The following SND1 variants were observed in gnomAD, a reference collection of about 807,000 sequenced individuals.
SND1 encodes staphylococcal nuclease domain-containing protein 1.
In SND1, 38 loss-of-function variants were observed where a neutral mutation model predicts 121.7. The ratio of observed to expected loss-of-function variants is 0.31; its 90% CI spans 0.24 to 0.41. SND1 has a LOEUF of 0.41. Ranked by LOEUF, SND1 falls within the 10% of genes least tolerant of loss-of-function variation. SND1 has a pLI of 1.00. For missense variants in SND1, 868 were observed against 1,184.6 expected (o/e 0.73, Z 3.92); for synonymous variants, 401 against 447.4 (o/e 0.90, Z 1.31).
At chr7:127,677,177 G>T (rs1795631518) in intron 1 of SND1, among the ~76,000 whole-genome samples, 1 of 152,186 alleles carries the variant, frequency 6.6e-6, no homozygotes, top group Non-Finnish European at 1.5e-5. Flanking sequence ...GTGTCCTTGT[G>T]CTGGGCTCTG....
intron 10 of SND1, among the ~76,000 whole-genome samples, chr7:127,759,039 G>A (rs1797249398): frequency 1.4e-5 from 2 of 141,522 alleles, no homozygotes; most frequent in Non-Finnish European, 3.1e-5. Context: ...GGGCGACATA[G>A]CAAGATGCTG....
chr7:127,854,623 G>A (rs1010282142), intron 12 of SND1, among the ~76,000 whole-genome samples: 4 of 151,220 alleles, frequency 2.6e-5, no homozygotes, highest in Admixed American at 1.3e-4. Flanking sequence ...GGGGGCATTC[G>A]ACATGGTTAC....
At chr7:127,831,761 A>G (rs1310289673) in intron 11 of SND1, among the ~76,000 whole-genome samples, 9 of 152,144 alleles carry the variant, frequency 5.9e-5, no homozygotes. Context: ...TTTTAAAGGC[A>G]GATGTTTTCT....
intron 11 of SND1, among the ~76,000 whole-genome samples, chr7:127,819,491 A>G (rs1216494603): frequency 6.6e-6 from 1 of 152,246 alleles, no homozygotes; most frequent in Non-Finnish European, 1.5e-5. Flanking sequence ...AACAACATTT[A>G]CTTTTAAAAA....
chr7:128,032,040 G>A (rs1156846938), intron 16 of SND1: 2 of 151,802 alleles, frequency 1.3e-5, no homozygotes, highest in East Asian at 3.9e-4. Flanking sequence ...CCGGGCTCGC[G>A]GTGTTGCAGG....
At chr7:128,046,366 T>G (rs1302295255) in intron 16 of SND1, among the ~76,000 whole-genome samples, 25 of 96,294 alleles carry the variant, frequency 2.6e-4, no homozygotes, top group Admixed American at 1.6e-3. Context: ...TGTTGTTGTG[T>G]TTTTTTTTTT....
chr7:127,862,558 C>T (rs942782913), intron 12 of SND1, among the ~76,000 whole-genome samples: 1 of 152,238 alleles, frequency 6.6e-6, no homozygotes, highest in Non-Finnish European at 1.5e-5. Flanking sequence ...ACAGACATCA[C>T]TCTCAGCATT....
intron 18 of SND1, chr7:128,081,989 A>G (rs1394150596): frequency 1.9e-5 from 10 of 533,072 alleles, no homozygotes; most frequent in Non-Finnish European, 2.7e-5. Context: ...GCCCTGAGTG[A>G]TAGCCAGTTT....
intron 17 of SND1, among the ~76,000 whole-genome samples, chr7:128,078,594 C>T (rs1793546740): frequency 6.6e-6 from 1 of 152,256 alleles, no homozygotes; most frequent in African/African-American, 2.4e-5. Flanking sequence ...CTTCCGTGAC[C>T]TCACGCCTGC....
At chr7:127,850,102 T>C (rs1429767403) in intron 12 of SND1, among the ~76,000 whole-genome samples, 2 of 152,244 alleles carry the variant, frequency 1.3e-5, no homozygotes, top group Admixed American at 1.3e-4. Context: ...GGATACTTTT[T>C]TTCTCCCAGC....
intron 12 of SND1, among the ~76,000 whole-genome samples, chr7:127,846,260 G>A (rs1352657392): frequency 6.6e-6 from 1 of 151,962 alleles, no homozygotes; most frequent in East Asian, 1.9e-4. Flanking sequence ...TTTTTTTTGT[G>A]ATTTACCAAA....
chr7:127,972,398 A>G (rs1802014089), intron 15 of SND1, among the ~76,000 whole-genome samples: 1 of 152,038 alleles, frequency 6.6e-6, no homozygotes, highest in Non-Finnish European at 1.5e-5. Context: ...AGTAGCTGGG[A>G]CTATAGGTTC....
intron 16 of SND1, chr7:127,999,335 G>A (rs1802759697): frequency 6.6e-6 from 1 of 150,822 alleles, no homozygotes; most frequent in African/African-American, 2.4e-5. Context: ...TCTTCCTTAA[G>A]AGAGTTTTAT....
chr7:127,983,901 C>T (rs1004153565), intron 15 of SND1, among the ~76,000 whole-genome samples: 6 of 152,080 alleles, frequency 3.9e-5, no homozygotes, highest in African/African-American at 1.4e-4. Context: ...TCCGATATGG[C>T]GTCCAGATTT....
intron 15 of SND1, among the ~76,000 whole-genome samples, chr7:127,930,014 A>G (rs1341511100): frequency 1.3e-5 from 2 of 152,248 alleles, no homozygotes; most frequent in Non-Finnish European, 2.9e-5. Context: ...TTATGCATTC[A>G]AGGAACAAAC....
intron 14 of SND1, among the ~76,000 whole-genome samples, chr7:127,923,176 A>G (rs561769356): frequency 2.6e-5 from 4 of 152,078 alleles, no homozygotes; most frequent in Non-Finnish European, 5.9e-5. Flanking sequence ...TTTTGTAGAG[A>G]TGGGGTATTG....
At chr7:127,998,584 TTC>T (rs1392708891) in intron 16 of SND1, 1 of 153,648 alleles carries the variant, frequency 6.5e-6, no homozygotes, top group Non-Finnish European at 1.4e-5. Context: ...AGACGGGCTG[TTC>T]CTGAATACCA....
chr7:127,697,768 A>G (rs1044561208), intron 3 of SND1, among the ~76,000 whole-genome samples: 1 of 152,190 alleles, frequency 6.6e-6, no homozygotes, highest in African/African-American at 2.4e-5. Context: ...TGGCGAGGCA[A>G]TTAGGTTGGG....
chr7:127,804,316 A>G (rs183672057), intron 10 of SND1, among the ~76,000 whole-genome samples: 1 of 152,136 alleles, frequency 6.6e-6, no homozygotes, highest in Non-Finnish European at 1.5e-5. Context: ...TGCTTGTGCT[A>G]TTAGTTCTTT....
Sources: gnomAD v4.1 joint callset for allele counts (sites outside exome capture counted in the v4.1 genomes callset) on GRCh38, gnomAD v4.1.1 for gene constraint, MANE v1.5 for transcripts, NCBI Gene and HGNC (gene_info 2026-07-23, HGNC 2026-07-21) for gene names.